MAPKAP1: variants seen among roughly 807,000 people sequenced by gnomAD.
MAPKAP1 encodes target of rapamycin complex 2 subunit MAPKAP1.
Under a neutral mutation model 65.7 loss-of-function variants are expected in MAPKAP1, and 20 were observed. The ratio of observed to expected loss-of-function variants is 0.30; its 90% CI spans 0.21 to 0.44. The LOEUF (loss-of-function observed/expected upper bound fraction) is 0.44. Among genes scored for constraint, MAPKAP1 ranks in the 20% least tolerant of loss-of-function variants. The probability of loss-of-function intolerance (pLI) is 1.00; values close to 1 mark genes in which losing one functional copy is unlikely to be tolerated. For missense variants in MAPKAP1, 423 were observed against 648.0 expected (o/e 0.65, Z 3.77); for synonymous variants, 222 against 244.3 (o/e 0.91, Z 0.85).
chr9:125,698,313 AT>A (rs746099804), intron 1 of MAPKAP1, among the ~76,000 whole-genome samples: 1,962 of 46,464 alleles, frequency 0.042, 65 homozygotes, highest in Middle Eastern at 0.17. Context: ...ATATATATAT[AT>A]ATATATATAT....
intron 7 of MAPKAP1, among the ~76,000 whole-genome samples, chr9:125,532,465 A>T (rs149250793): frequency 5.1e-4 from 78 of 152,382 alleles, no homozygotes; most frequent in African/African-American, 1.8e-3. Context: ...ATGAGGGGGA[A>T]AAAGGCATCT....
At chr9:125,613,705 T>C (rs575555277) in intron 4 of MAPKAP1, among the ~76,000 whole-genome samples, 13 of 152,286 alleles carry the variant, frequency 8.5e-5, no homozygotes, top group East Asian at 1.9e-4. Flanking sequence ...GTGACAACAA[T>C]AGTTTACTTT....
At chr9:125,549,296 T>C (rs781013111) in intron 6 of MAPKAP1, among the ~76,000 whole-genome samples, 15 of 152,218 alleles carry the variant, frequency 9.9e-5, no homozygotes, top group African/African-American at 2.9e-4. Flanking sequence ...CAGTTCCCAA[T>C]AGTGATGAAG....
Position 125,439,104 on chromosome 9 carries a change from G to T in MAPKAP1, c.1444-92C>A. ...GGGGTGGCAGGGAAGGCCCTGACCTGGGCCGGGTGCCTCAGGGCCAGGTGC... is the reference window on the plus strand; with the variant it reads ...GGGGTGGCAGGGAAGGCCCTGACCTTGGCCGGGTGCCTCAGGGCCAGGTGC... On this transcript the variant is annotated intron_variant, in intron 11 of 11. Transcript: ENST00000265960. This position sits in a 1 kb window ranked among gnomAD's most constrained non-coding sequence, Gnocchi z 4.0. 6.7e-7 allele frequency: 1 copy of T among 1,491,392 alleles called. No homozygotes were observed. The highest frequency in any genetic ancestry group is 9.1e-7 in the Non-Finnish European group (1 of 1,101,348). The allele number at this position is 1,491,392 out of a possible 1,614,324, so 92.4% of individuals were successfully genotyped here. A position where few individuals can be genotyped will look rare whatever the true frequency, so the allele number is the denominator to read the frequency against.
At chr9:125,696,679 T>C (rs1464313285) in intron 1 of MAPKAP1, among the ~76,000 whole-genome samples, 2 of 152,120 alleles carry the variant, frequency 1.3e-5, no homozygotes, top group Non-Finnish European at 2.9e-5. Context: ...ACTGAGGACT[T>C]TCCAATGGTA....
intron 1 of MAPKAP1, among the ~76,000 whole-genome samples, chr9:125,678,106 T>C (rs911370319): frequency 2.6e-5 from 4 of 151,916 alleles, no homozygotes; most frequent in Admixed American, 6.5e-5. Flanking sequence ...TTTGTAGAGA[T>C]GGGGTTTTAC....
intron 1 of MAPKAP1, among the ~76,000 whole-genome samples, chr9:125,698,316 T>TATAG (rs1564622565): frequency 1.2e-5 from 1 of 86,640 alleles, no homozygotes; most frequent in East Asian, 4.0e-4. Flanking sequence ...TATATATATA[T>TATAG]ATATATATAT....
At chr9:125,564,580 A>G (rs1200857831) in intron 5 of MAPKAP1, among the ~76,000 whole-genome samples, 1 of 152,218 alleles carries the variant, frequency 6.6e-6, no homozygotes, top group Non-Finnish European at 1.5e-5. Flanking sequence ...GAGCATTGTC[A>G]GCCTCACTCA....
chr9:125,572,231 A>G (rs140109499), intron 5 of MAPKAP1, among the ~76,000 whole-genome samples: 2,997 of 152,290 alleles, frequency 0.02, 162 homozygotes, highest in East Asian at 0.15. Flanking sequence ...AGGAGCCCCA[A>G]GTTATCTTGG....
At chr9:125,648,983 T>C (rs1398011157) in intron 4 of MAPKAP1, among the ~76,000 whole-genome samples, 1 of 152,124 alleles carries the variant, frequency 6.6e-6, no homozygotes, top group Non-Finnish European at 1.5e-5. Context: ...CTCTGAGAAT[T>C]AGAACACTTG....
intron 1 of MAPKAP1, among the ~76,000 whole-genome samples, chr9:125,675,828 T>C (rs926935357): frequency 2.6e-5 from 4 of 152,172 alleles, no homozygotes; most frequent in Non-Finnish European, 5.9e-5. Flanking sequence ...ATGTGCCAGG[T>C]GTAAGTGTGT....
At chr9:125,509,887 A>T (rs1829250705) in intron 7 of MAPKAP1, among the ~76,000 whole-genome samples, 1 of 151,634 alleles carries the variant, frequency 6.6e-6, no homozygotes. Context: ...CCTGAAGACA[A>T]CTCCCTGCCC....
chr9:125,517,730 G>C (rs1025706126), intron 7 of MAPKAP1, among the ~76,000 whole-genome samples: 11 of 152,272 alleles, frequency 7.2e-5, no homozygotes, highest in African/African-American at 2.6e-4. Context: ...TGAATACCTA[G>C]CCTCACGAAT....
chr9:125,673,217 T>TTTG lies in MAPKAP1; in HGVS notation c.-69-577_-69-575dup, dbSNP rs1172079002. ...TTTCCTGTCAAGATAGTATTGTGTT[T>TTTG]TTGTTGTTGTTGTTGTTGTGTTTTT... On this transcript the variant is annotated intron_variant, in intron 1 of 11. Coordinates refer to ENST00000265960, the MANE Select transcript of MAPKAP1 (RefSeq NM_001006617.3). 6.6e-5 allele frequency among the ~76,000 whole-genome samples: 10 copies of TTTG among 152,084 alleles called. No homozygotes were observed. The South Asian group carries it at 1.0e-3, about 16-fold the overall frequency.
intron 3 of MAPKAP1, among the ~76,000 whole-genome samples, chr9:125,662,962 A>T (rs1834231447): frequency 1.3e-5 from 2 of 152,288 alleles, no homozygotes; most frequent in Admixed American, 1.3e-4. Flanking sequence ...ATCAAACAGG[A>T]CCAGCCATGT....
chr9:125,701,328 G>T (rs1438452223), intron 1 of MAPKAP1, among the ~76,000 whole-genome samples: 1 of 152,186 alleles, frequency 6.6e-6, no homozygotes, highest in African/African-American at 2.4e-5. Flanking sequence ...GTATACTCAA[G>T]TATAGGATAT....
At chr9:125,689,512 T>C (rs1835099849) in intron 1 of MAPKAP1, among the ~76,000 whole-genome samples, 1 of 141,482 alleles carries the variant, frequency 7.1e-6, no homozygotes, top group African/African-American at 2.7e-5. Context: ...TTTGGGAGGC[T>C]TAAGGAGGCA....
chr9:125,499,963 G>A (rs941770256), intron 8 of MAPKAP1, among the ~76,000 whole-genome samples: 5 of 151,974 alleles, frequency 3.3e-5, no homozygotes, highest in Non-Finnish European at 5.9e-5. Context: ...CTCCAGCCTG[G>A]GTGACAGAAT....
intron 10 of MAPKAP1, among the ~76,000 whole-genome samples, chr9:125,449,897 A>G (rs1852878380): frequency 6.6e-6 from 1 of 152,114 alleles, no homozygotes; most frequent in East Asian, 1.9e-4. Context: ...ATCAACTGAA[A>G]GAAGGGTCTT....
Sources: allele counts gnomAD v4.1 joint callset (sites outside exome capture counted in the v4.1 genomes callset), GRCh38; gene constraint gnomAD v4.1.1; non-coding constraint Gnocchi (gnomAD v3.1); transcripts MANE v1.5; gene names NCBI Gene and HGNC (gene_info 2026-07-23, HGNC 2026-07-21).